IL1RAP: variants seen among roughly 807,000 people sequenced by gnomAD.
The protein encoded by IL1RAP is interleukin-1 receptor accessory protein.
A neutral mutation model predicts 60.7 loss-of-function variants in IL1RAP; 35 were observed. The observed-to-expected ratio is 0.58, with a 90% confidence interval of 0.44 to 0.76. The LOEUF (loss-of-function observed/expected upper bound fraction) is 0.76, where lower values mean the gene tolerates loss of function less well. IL1RAP is among the 30% of genes least tolerant of loss of function. IL1RAP has a pLI of 0.00. For missense variants in IL1RAP, 572 were observed against 693.9 expected (o/e 0.82, Z 1.97); for synonymous variants, 268 against 250.9 (o/e 1.07, Z -0.64).
At chr3:190,543,536 G>C (rs967324649) in intron 1 of IL1RAP, among the ~76,000 whole-genome samples, 2 of 152,168 alleles carry the variant, frequency 1.3e-5, no homozygotes, top group Non-Finnish European at 2.9e-5. Context: ...GTTTTAGGAA[G>C]AAGGTAGAAA....
rs1020041121 is a variant in IL1RAP at position 190,614,608 on chromosome 3, G to C, written c.537+5427G>C. On this transcript the variant is annotated intron_variant, in intron 5 of 11. Transcript: ENST00000447382. ...GTTATCGTTGAGGAACCAAGGTATA[G>C]CGTGGTTGAGAAATATTTCCAAGGC... Among the ~76,000 whole-genome samples the C allele has an allele frequency of 3.3e-5, 5 of 152,298 alleles. No individual in the cohort carries two copies. In the East Asian group the frequency reaches 9.7e-4, roughly 29 times the overall value.
intron 3 of IL1RAP, among the ~76,000 whole-genome samples, chr3:190,593,641 T>C (rs1729132435): frequency 6.6e-6 from 1 of 151,900 alleles, no homozygotes. Context: ...GCAGGGGTAC[T>C]CTCCTTTATA....
intron 7 of IL1RAP, 131 bp downstream of exon 7, chr3:190,623,546 A>C: frequency 1.3e-6 from 1 of 746,964 alleles, no homozygotes; most frequent in African/African-American, 1.8e-5. Context: ...GAAATGTCAG[A>C]AACCAAAGCA....
At chr3:190,640,791 A>G (rs866913357) in intron 9 of IL1RAP, among the ~76,000 whole-genome samples, 16 of 152,294 alleles carry the variant, frequency 1.1e-4, no homozygotes, top group African/African-American at 3.9e-4. Flanking sequence ...CCAGTTATTT[A>G]CATTGAACTA....
intron 9 of IL1RAP, among the ~76,000 whole-genome samples, chr3:190,636,829 TTACCA>T (rs1733261635): frequency 6.6e-6 from 1 of 152,144 alleles, no homozygotes; most frequent in Non-Finnish European, 1.5e-5. Flanking sequence ...GCCTTTAAGT[TTACCA>T]TCTTGCTATT....
chr3:190,522,289 GCTTCCTTCCTTC>G (rs72459878), intron 1 of IL1RAP, among the ~76,000 whole-genome samples: 1,635 of 135,446 alleles, frequency 0.012, 25 homozygotes, highest in East Asian at 0.044. Context: ...GCCTTCCTTT[GCTTCCTTCCTTC>G]CTTCCTTCCT....
chr3:190,651,113 C>G lies in IL1RAP; in HGVS notation c.*2408C>G. 1.0e-6 allele frequency: 1 copy of G among 984,694 alleles called. No homozygotes were observed. The highest frequency in any genetic ancestry group is 4.7e-5 in the South Asian group (1 of 21,278). 61.0% of individuals were successfully genotyped at this position (984,694 alleles called of 1,614,324 possible). The stretch of plus-strand genomic sequence containing the variant: ...CAGAAGATGGCCAATAGAGAACATT[C>G]AAGGGAAATGGGGAAACATAATTTA... On this transcript the variant is annotated 3_prime_UTR_variant, in exon 12 of 12. Transcript: ENST00000447382.
chr3:190,576,942 A>C, intron 3 of IL1RAP, among the ~76,000 whole-genome samples: 1 of 151,630 alleles, frequency 6.6e-6, no homozygotes, highest in Non-Finnish European at 1.5e-5. Flanking sequence ...TCTACTAAAA[A>C]TACAAAAAAT....
intron 3 of IL1RAP, among the ~76,000 whole-genome samples, chr3:190,566,650 G>A (rs1726430241): frequency 1.3e-5 from 2 of 152,118 alleles, no homozygotes; most frequent in South Asian, 4.1e-4. Context: ...AATCCCCTCA[G>A]CCCATCTGGC....
Position 190,634,707 on chromosome 3 carries a change from G to GTTTTTTTTTTT in IL1RAP, c.1051+5210_1051+5220dup, listed in dbSNP as rs1167445179. On this transcript the variant is annotated intron_variant, in intron 9 of 11. Transcript: ENST00000447382. ...TCATATAACTATCTGGGCCTGTTGT[G>GTTTTTTTTTTT]TTTTTTTTTTTGTTGTTGTTTTTTT... Among the ~76,000 whole-genome samples, 70 of 134,690 alleles carry GTTTTTTTTTTT rather than the reference G, an allele frequency of 5.2e-4. 4 individuals are homozygous for GTTTTTTTTTTT. The highest frequency in any genetic ancestry group is 2.0e-3 in the African/African-American group (66 of 33,680). The allele number at this position is 134,690 out of a possible 152,430, so 88.4% of individuals were successfully genotyped here. A position where few individuals can be genotyped will look rare whatever the true frequency, so the allele number is the denominator to read the frequency against.
At chr3:190,622,871 T>G (rs1042715851) in intron 6 of IL1RAP, among the ~76,000 whole-genome samples, 2 of 152,148 alleles carry the variant, frequency 1.3e-5, no homozygotes, top group Admixed American at 1.3e-4. Context: ...CTTCCAGGGA[T>G]GGGTGAGAGG....
intron 1 of IL1RAP, among the ~76,000 whole-genome samples, chr3:190,532,609 G>A (rs1723087894): frequency 6.6e-6 from 1 of 152,174 alleles, no homozygotes; most frequent in Non-Finnish European, 1.5e-5. Context: ...AGTCAATGTG[G>A]TTAAGTAGCT....
At chr3:190,567,960 T>G (rs1356139570) in intron 3 of IL1RAP, among the ~76,000 whole-genome samples, 2 of 152,200 alleles carry the variant, frequency 1.3e-5, no homozygotes, top group South Asian at 2.1e-4. Flanking sequence ...GAAGCTGAAC[T>G]GTTAAAAGCT....
intron 3 of IL1RAP, among the ~76,000 whole-genome samples, chr3:190,581,362 A>G (rs1328792790): frequency 6.6e-6 from 1 of 152,184 alleles, no homozygotes; most frequent in African/African-American, 2.4e-5. Context: ...AGTAAAAGCA[A>G]ATCAGGAAGC....
intron 9 of IL1RAP, among the ~76,000 whole-genome samples, chr3:190,639,846 A>G (rs1733523389): frequency 6.6e-6 from 1 of 152,200 alleles, no homozygotes; most frequent in Admixed American, 6.5e-5. Context: ...GATTGGACCT[A>G]CTTCTAAAGC....
rs577133566 is a variant in IL1RAP at position 190,636,053 on chromosome 3, T to C, written c.1051+6555T>C. The stretch of plus-strand genomic sequence containing the variant: ...TAATTTCTAATCTTTTATTTAATTC[T>C]GATGTGTCCAAAGAACATACTTTGC... On this transcript the variant is annotated intron_variant, in intron 9 of 11. Transcript: ENST00000447382. 1.5e-4 allele frequency among the ~76,000 whole-genome samples: 23 copies of C among 152,364 alleles called. No individual in the cohort carries two copies. The South Asian group carries it at 4.8e-3, about 32-fold the overall frequency.
chr3:190,593,631 G>A (rs1164185924), intron 3 of IL1RAP, among the ~76,000 whole-genome samples: 2 of 152,038 alleles, frequency 1.3e-5, no homozygotes, highest in Non-Finnish European at 2.9e-5. Context: ...GAGACTGTGT[G>A]CAGGGGTACT....
At chr3:190,656,312 C>G, downstream of IL1RAP, 1 of 1,537,238 alleles carries the variant, frequency 6.5e-7, no homozygotes. Flanking sequence ...GAGAGGGCTG[C>G]AGGTAGCCCT....
At chr3:190,544,332 C>A (rs1156435477) in intron 1 of IL1RAP, among the ~76,000 whole-genome samples, 1 of 152,178 alleles carries the variant, frequency 6.6e-6, no homozygotes, top group African/African-American at 2.4e-5. Flanking sequence ...TTATAATCAA[C>A]TCCAATTAGC....
Sources: gnomAD v4.1 joint callset for allele counts (sites outside exome capture counted in the v4.1 genomes callset) on GRCh38, gnomAD v4.1.1 for gene constraint, MANE v1.5 for transcripts, NCBI Gene and HGNC (gene_info 2026-07-23, HGNC 2026-07-21) for gene names.